ATP2C2: variants seen among roughly 807,000 people sequenced by gnomAD.
ATP2C2 encodes the protein calcium-transporting ATPase type 2C member 2.
ATP2C2 carries 171 observed loss-of-function variants against 110.8 expected under a neutral mutation model. The ratio of observed to expected loss-of-function variants is 1.54; its 90% CI spans 1.36 to 1.75. ATP2C2 has a LOEUF of 1.75. ATP2C2 is among the 40% of genes most tolerant of loss of function. The pLI is 0.00. For synonymous variants in ATP2C2, 804 were observed against 508.4 expected, an observed-to-expected ratio of 1.58 and a Z score of -7.82; for missense variants, 1,963 against 1,235.0, an observed-to-expected ratio of 1.59 and a Z score of -8.84.
chr16:84,448,828 C>G, intron 17 of ATP2C2, 139 bp downstream of exon 17: 1 of 1,182,700 alleles, frequency 8.5e-7, no homozygotes, highest in Non-Finnish European at 1.2e-6. Context: ...ATAATGTGTG[C>G]TTGGAACCTG....
In ATP2C2 at chr16:84,403,533, C is replaced by G. The variant is rs145185725; in HGVS notation, c.211-1595C>G. ...ATATTGCCCAGACTAGCCTTGAACT[C>G]CTGGGTTCAAGCAATCTCCCCACCT... On this transcript the variant is annotated intron_variant, in intron 2 of 26. Coordinates refer to ENST00000262429, the MANE Select transcript of ATP2C2 (RefSeq NM_014861.4). Among the ~76,000 whole-genome samples, 288 of 152,208 alleles carry G rather than the reference C, an allele frequency of 1.9e-3. 2 individuals are homozygous for G. The highest frequency in any genetic ancestry group is 0.014 in the Middle Eastern group (4 of 294).
chr16:84,405,241 T>C lies in ATP2C2; in HGVS notation c.324T>C (p.Asp108=), dbSNP rs372617748. ...AACCTGTGTGGAAGAAATACCTGGA[T>C]CAGGTAGGACCAGAGGTGTCATTCT... ...NSEPVWKKYL[D]QFKNPLILLL... The change falls in exon 3 of 27, where the codon GAT becomes GAC. Residue 108 remains aspartate (D), a synonymous_variant. Coordinates refer to ENST00000262429, the MANE Select transcript of ATP2C2 (RefSeq NM_014861.4). 2.5e-6 allele frequency: 4 copies of C among 1,611,162 alleles called. No individual in the cohort carries two copies. The highest frequency in any genetic ancestry group is 3.4e-6 in the Non-Finnish European group (4 of 1,177,600).
chr16:84,431,165 G>A (rs1000428221), intron 11 of ATP2C2, among the ~76,000 whole-genome samples: 12 of 152,238 alleles, frequency 7.9e-5, no homozygotes, highest in African/African-American at 2.9e-4. Context: ...CAACTTATGA[G>A]TGCTACAAAG....
intron 3 of ATP2C2, among the ~76,000 whole-genome samples, chr16:84,407,617 C>T (rs1301045376): frequency 1.3e-5 from 2 of 152,158 alleles, no homozygotes; most frequent in East Asian, 3.9e-4. Flanking sequence ...ACCACAGGTG[C>T]ACCTCACCAT....
intron 2 of ATP2C2, among the ~76,000 whole-genome samples, chr16:84,403,468 G>A (rs1406380885): frequency 2.0e-5 from 3 of 151,966 alleles, no homozygotes; most frequent in Admixed American, 2.0e-4. Context: ...ACCACAATGG[G>A]CTAATTTTTA....
In ATP2C2 at chr16:84,446,435, G is replaced by C; in HGVS notation, c.1503+5G>C. ...AAATGCAGTCTGAAGACTGAGGTGA[G>C]ACCTTTCAATCTTCAACCTCTTCTC... On this transcript the variant is annotated splice_donor_5th_base_variant and intron_variant, in intron 16 of 26. Coordinates refer to ENST00000262429, the MANE Select transcript of ATP2C2 (RefSeq NM_014861.4). The C allele has an allele frequency of 6.3e-7, 1 of 1,576,428 alleles. No individual in the cohort carries two copies. Among genetic ancestry groups the C allele is most frequent in the Middle Eastern group, 1.7e-4 (1 of 5,912 alleles).
At chr16:84,403,226 A>T (rs886489671) in intron 2 of ATP2C2, among the ~76,000 whole-genome samples, 9 of 152,152 alleles carry the variant, frequency 5.9e-5, no homozygotes, top group African/African-American at 2.2e-4. Flanking sequence ...TTAAAAAAAA[A>T]TACTCTTGTT....
At chr16:84,407,025 T>G (rs1201914966) in intron 3 of ATP2C2, among the ~76,000 whole-genome samples, 8 of 152,216 alleles carry the variant, frequency 5.3e-5, no homozygotes, top group Non-Finnish European at 1.2e-4. Flanking sequence ...GGTTCAGCAA[T>G]GCATCTGTGG....
chr16:84,460,693 G>C lies in ATP2C2; in HGVS notation c.2373G>C (p.Gln791His). 6.2e-7 allele frequency: 1 copy of C among 1,614,250 alleles called. No individual in the cohort carries two copies. The change falls in exon 24 of 27, where the codon CAG (glutamine) becomes CAC (histidine). Residue 791 changes from glutamine (Q) to histidine (H), a missense_variant. Coordinates refer to ENST00000262429, the MANE Select transcript of ATP2C2 (RefSeq NM_014861.4). ...VEPVDKDAFR[Q>H]PPRSVRDTIL... is the part of the protein sequence containing the mutation. ...CCGTTGACAAAGACGCCTTCAGGCA[G>C]CCACCACGGAGTGTGCGGGACACCA...
At chr16:84,455,114 G>A in intron 21 of ATP2C2, 130 bp downstream of exon 21, 1 of 1,241,630 alleles carries the variant, frequency 8.1e-7, no homozygotes, top group Admixed American at 2.6e-5. Context: ...GAATCTCGGG[G>A]CTCGTCAGTG....
chr16:84,385,650 C>T (rs1464305618), intron 1 of ATP2C2, among the ~76,000 whole-genome samples: 1 of 152,192 alleles, frequency 6.6e-6, no homozygotes, highest in Non-Finnish European at 1.5e-5. Flanking sequence ...ACTCACAGTT[C>T]CGCATGTCTG....
At chr16:84,399,207 A>T (rs1905173008) in intron 2 of ATP2C2, among the ~76,000 whole-genome samples, 1 of 152,240 alleles carries the variant, frequency 6.6e-6, no homozygotes, top group South Asian at 2.1e-4. Context: ...AGCAAATAAA[A>T]AGCCCCCAGG....
chr16:84,452,175 G>C (rs1163583613), intron 18 of ATP2C2, 84 bp downstream of exon 18: 2 of 1,542,950 alleles, frequency 1.3e-6, no homozygotes, highest in Admixed American at 1.9e-5. Flanking sequence ...GGAAGCCTCC[G>C]CAAACTCGGT....
chr16:84,415,197 T>G (rs79482238), intron 6 of ATP2C2, among the ~76,000 whole-genome samples: 1 of 152,132 alleles, frequency 6.6e-6, no homozygotes, highest in Non-Finnish European at 1.5e-5. Context: ...CTGCTGACCT[T>G]GGCCCCAGGA....
intron 17 of ATP2C2, among the ~76,000 whole-genome samples, chr16:84,450,866 G>C (rs1910195328): frequency 6.6e-6 from 1 of 152,078 alleles, no homozygotes; most frequent in South Asian, 2.1e-4. Context: ...GAGATGACAA[G>C]ATGAGTTAGC....
Position 84,460,595 on chromosome 16 carries a change from A to T in ATP2C2, c.2334-59A>T, listed in dbSNP as rs758097216. The T allele has an allele frequency of 5.6e-6, 9 of 1,611,572 alleles. No individual in the cohort carries two copies. The South Asian group carries it at 7.7e-5, about 14-fold the overall frequency. On this transcript the variant is annotated intron_variant, in intron 23 of 26. Transcript: ENST00000262429. Reference sequence around the variant, plus strand: ...TGGGAGGCTCAGGCACAGCTGTTTCAAGGGTCCTTTATTTCATTCCTGGTT... The same window carrying T: ...TGGGAGGCTCAGGCACAGCTGTTTCTAGGGTCCTTTATTTCATTCCTGGTT...
In ATP2C2 at chr16:84,460,754, T is replaced by G; in HGVS notation, c.2434T>G (p.Ser812Ala). 6.2e-7 allele frequency: 1 copy of G among 1,614,054 alleles called. No individual in the cohort carries two copies. The highest frequency in any genetic ancestry group is 8.5e-7 in the Non-Finnish European group (1 of 1,179,938). ...AGCCCTCATCCTGAAGATCCTCATG[T>G]CCGCGGCCATCATCATCAGCGGGAC... is the stretch of plus-strand genomic sequence containing the variant. ...SRALILKILM[S>A]AAIIISGTLF... is the part of the protein sequence containing the mutation. Residue 812 changes from serine (S) to alanine (A), a missense_variant, in exon 24 of 27, where the codon TCC becomes GCC. Ser to Ala is a moderately conservative substitution (Grantham distance 99, BLOSUM62 1). Coordinates refer to ENST00000262429, the MANE Select transcript of ATP2C2 (RefSeq NM_014861.4).
chr16:84,378,231 C>G (rs531406561), intron 1 of ATP2C2, among the ~76,000 whole-genome samples: 2 of 152,184 alleles, frequency 1.3e-5, no homozygotes, highest in Non-Finnish European at 2.9e-5. Flanking sequence ...CCAGCTGGAC[C>G]GAATCTGGGG....
chr16:84,383,250 G>T (rs930802602), intron 1 of ATP2C2, among the ~76,000 whole-genome samples: 3 of 152,192 alleles, frequency 2.0e-5, no homozygotes, highest in African/African-American at 7.2e-5. Context: ...GTGTCTAGAG[G>T]CAGACAGGTG....
Sources: gnomAD v4.1 joint callset for allele counts (sites outside exome capture counted in the v4.1 genomes callset) on GRCh38, gnomAD v4.1.1 for gene constraint, MANE v1.5 for transcripts, NCBI Gene and HGNC (gene_info 2026-07-23, HGNC 2026-07-21) for gene names.